Variants in SIK3 observed in about 807,000 individuals in gnomAD.
SIK3 encodes serine/threonine-protein kinase SIK3.
SIK3 carries 28 observed loss-of-function variants against 144.2 expected under a neutral mutation model. The ratio of observed to expected loss-of-function variants is 0.19; its 90% CI spans 0.14 to 0.27. SIK3 has a LOEUF of 0.27. Ranked by LOEUF, SIK3 falls within the 10% of genes least tolerant of loss-of-function variation. SIK3 has a pLI of 1.00. For missense variants in SIK3, 1,319 were observed against 1,776.0 expected, an observed-to-expected ratio of 0.74 and a Z score of 4.62; for synonymous variants, 686 against 676.3, an observed-to-expected ratio of 1.01 and a Z score of -0.22.
chr11:116,897,773 C>T (rs1945492226), intron 4 of SIK3, among the ~76,000 whole-genome samples: 1 of 152,076 alleles, frequency 6.6e-6, no homozygotes, highest in Non-Finnish European at 1.5e-5. Context: ...GTCCCAGGTA[C>T]TCGGGAGGCT....
At chr11:117,000,729 T>C (rs1950819453) in intron 1 of SIK3, among the ~76,000 whole-genome samples, 2 of 152,174 alleles carry the variant, frequency 1.3e-5, no homozygotes. Context: ...AGCTCCAAAG[T>C]GATTACCTGG....
chr11:116,979,471 T>A (rs1212659578), intron 1 of SIK3, among the ~76,000 whole-genome samples: 1 of 152,226 alleles, frequency 6.6e-6, no homozygotes, highest in Non-Finnish European at 1.5e-5. Context: ...AAACTTTTAA[T>A]GGATCTATAA....
intron 1 of SIK3, among the ~76,000 whole-genome samples, chr11:117,016,371 A>AGGGG (rs1555128149): frequency 2.1e-5 from 1 of 47,646 alleles, no homozygotes. Flanking sequence ...GGAGGGAAGG[A>AGGGG]GAGGGAGGGA....
intron 1 of SIK3, among the ~76,000 whole-genome samples, chr11:117,032,569 T>C (rs1952308770): frequency 1.3e-5 from 2 of 152,118 alleles, no homozygotes; most frequent in Admixed American, 1.3e-4. Context: ...TCCAGTGGCA[T>C]GATCATAGCT....
intron 1 of SIK3, among the ~76,000 whole-genome samples, chr11:116,997,273 C>G (rs1175906247): frequency 6.6e-6 from 1 of 152,194 alleles, no homozygotes; most frequent in Non-Finnish European, 1.5e-5. Context: ...TAGCTATATA[C>G]TCAGCCAGCC....
chr11:116,857,264 A>G (rs1273148776), intron 21 of SIK3: 6 of 155,290 alleles, frequency 3.9e-5, no homozygotes, highest in African/African-American at 1.4e-4. Context: ...TCATGCAAAC[A>G]TTATGTAGAA....
intron 4 of SIK3, among the ~76,000 whole-genome samples, chr11:116,903,249 G>A (rs1945830148): frequency 6.6e-6 from 1 of 152,200 alleles, no homozygotes; most frequent in Non-Finnish European, 1.5e-5. Context: ...TGCCTTTGGG[G>A]ACATTTTGCT....
At chr11:116,975,349 C>G (rs1949910803) in intron 1 of SIK3, among the ~76,000 whole-genome samples, 1 of 152,074 alleles carries the variant, frequency 6.6e-6, no homozygotes, top group Non-Finnish European at 1.5e-5. Context: ...GTTTAGCTGT[C>G]ACTCCTCATT....
rs539249724 is a variant in SIK3, at chr11:116,875,065, C to T, written c.1427+93G>A. On this transcript the variant is annotated intron_variant, in intron 11 of 24. Transcript: ENST00000445177. ...CTGGATTAGATCTCCTCTGGGGATA[C>T]AATGTAGTAGGAAATGTGCCATGGT... The T allele has an allele frequency of 7.1e-5, 67 of 940,700 alleles. No individual in the cohort carries two copies. In the East Asian group the frequency reaches 1.6e-3, roughly 23 times the overall value. 58.3% of individuals were successfully genotyped at this position (940,700 alleles called of 1,614,324 possible). A position where few individuals can be genotyped will look rare whatever the true frequency, so the allele number is the denominator to read the frequency against.
intron 6 of SIK3, 101 bp from the exon 7 acceptor site, chr11:116,877,143 C>G (rs1471927006): frequency 8.4e-6 from 8 of 952,374 alleles, no homozygotes; most frequent in Non-Finnish European, 1.0e-5. Flanking sequence ...ATCCAACTCC[C>G]TGCTTCTAAT....
At chr11:117,045,582 T>A (rs1402506009) in intron 1 of SIK3, among the ~76,000 whole-genome samples, 1 of 152,230 alleles carries the variant, frequency 6.6e-6, no homozygotes, top group Non-Finnish European at 1.5e-5. Context: ...GGCATGAAGC[T>A]GAAATTGGTA....
chr11:117,000,363 A>G (rs975379960), intron 1 of SIK3, among the ~76,000 whole-genome samples: 1 of 152,162 alleles, frequency 6.6e-6, no homozygotes, highest in African/African-American at 2.4e-5. Flanking sequence ...TTAGCTACAC[A>G]TTGTTAGAGT....
intron 1 of SIK3, among the ~76,000 whole-genome samples, chr11:117,053,338 GAAAAAAA>G (rs754157839): frequency 8.2e-6 from 1 of 121,416 alleles, no homozygotes; most frequent in Non-Finnish European, 1.8e-5. Context: ...CTCTGTCTTG[GAAAAAAA>G]AAAAAAAAGT....
Position 116,849,280 on chromosome 11 carries a change from G to A in SIK3, c.3659C>T (p.Pro1220Leu), listed in dbSNP as rs754419865. Residue 1220 changes from proline (P) to leucine (L), a missense_variant, in exon 22 of 25, where the codon CCT becomes CTT. Pro to Leu is a moderately conservative substitution (Grantham distance 98). Around this residue, in one of 8 missense-constraint regions of SIK3, gnomAD observed 646 missense variants for 763.7 expected, o/e 0.85. Coordinates refer to ENST00000445177, the MANE Select transcript of SIK3 (RefSeq NM_001366686.3). The surrounding 1 kb of genome is among the most constrained non-coding windows in gnomAD (Gnocchi z 4.2). ...FSKNKVPSRE[P>L]VIGNCMDRSS... is the part of the protein sequence containing the mutation. ...TCTATCCATGCAGTTCCCTATGACA[G>A]GCTCTGAGGAGACACAGCAGAATAG... The A allele has an allele frequency of 1.2e-6, 2 of 1,614,142 alleles. No individual in the cohort carries two copies. Among genetic ancestry groups the A allele is most frequent in the Admixed American group, 1.7e-5 (1 of 60,028 alleles).
At chr11:117,089,001 T>C (rs1955130785) in intron 1 of SIK3, among the ~76,000 whole-genome samples, 1 of 152,090 alleles carries the variant, frequency 6.6e-6, no homozygotes, top group Non-Finnish European at 1.5e-5. Context: ...CTTTTTTTAC[T>C]TTTAAGTAAA....
At chr11:116,994,308 G>C (rs1157980545) in intron 1 of SIK3, among the ~76,000 whole-genome samples, 1 of 152,154 alleles carries the variant, frequency 6.6e-6, no homozygotes, top group African/African-American at 2.4e-5. Flanking sequence ...AGGAGATAGG[G>C]AATTAGCAAG....
intron 1 of SIK3, among the ~76,000 whole-genome samples, chr11:116,967,496 G>A (rs1161961793): frequency 2.0e-5 from 3 of 152,182 alleles, no homozygotes; most frequent in Non-Finnish European, 4.4e-5. Flanking sequence ...ATGCCCTCAA[G>A]GACTAATAAC....
intron 4 of SIK3, among the ~76,000 whole-genome samples, chr11:116,910,285 A>G (rs373711901): frequency 2.0e-5 from 3 of 152,284 alleles, no homozygotes; most frequent in Admixed American, 6.5e-5. Context: ...TTCAATATGT[A>G]AACTATCAAA....
intron 1 of SIK3, among the ~76,000 whole-genome samples, chr11:117,060,094 A>C (rs542196895): frequency 6.6e-6 from 1 of 152,366 alleles, no homozygotes; most frequent in African/African-American, 2.4e-5. Context: ...AGTTGAAAGC[A>C]ACCAACAAGT....
Sources: allele counts gnomAD v4.1 joint callset (sites outside exome capture counted in the v4.1 genomes callset), GRCh38; gene constraint gnomAD v4.1.1; regional missense constraint gnomAD v4.1.1; non-coding constraint Gnocchi (gnomAD v3.1); transcripts MANE v1.5; gene names NCBI Gene and HGNC (gene_info 2026-07-23, HGNC 2026-07-21).